The following SNRPD1 variants were observed in gnomAD, a reference collection of about 807,000 sequenced individuals.
SNRPD1 encodes small nuclear ribonucleoprotein Sm D1.
A neutral mutation model predicts 14.4 loss-of-function variants in SNRPD1; 1 was observed. That is an observed-to-expected ratio of 0.07 (90% confidence interval 0.02 to 0.33). SNRPD1 has a LOEUF of 0.33. SNRPD1 is among the 10% of genes least tolerant of loss of function. SNRPD1 has a pLI of 1.00. For synonymous variants in SNRPD1, 42 were observed against 50.3 expected, an observed-to-expected ratio of 0.83 and a Z score of 0.70; for missense variants, 52 against 146.4, an observed-to-expected ratio of 0.36 and a Z score of 3.33.
intron 3 of SNRPD1, among the ~76,000 whole-genome samples, chr18:21,624,204 C>T (rs922179064): frequency 4.0e-5 from 6 of 151,780 alleles, no homozygotes; most frequent in African/African-American, 1.5e-4. Flanking sequence ...CATGGTGAAG[C>T]CTCATCTCTA....
intron 3 of SNRPD1, among the ~76,000 whole-genome samples, chr18:21,626,785 CAA>C (rs57392456): frequency 1.4e-4 from 17 of 118,100 alleles, no homozygotes; most frequent in African/African-American, 2.3e-4. Flanking sequence ...GACTTGGTCT[CAA>C]AAAAAAAAAA....
At chr18:21,628,305 A>G (rs905317319) in intron 3 of SNRPD1, among the ~76,000 whole-genome samples, 3 of 152,202 alleles carry the variant, frequency 2.0e-5, no homozygotes, top group African/African-American at 7.2e-5. Flanking sequence ...ACTTGAGCCC[A>G]GGAGTTCAAG....
intron 1 of SNRPD1, among the ~76,000 whole-genome samples, chr18:21,616,824 T>C (rs1444196488): frequency 1.3e-5 from 2 of 151,918 alleles, no homozygotes; most frequent in Non-Finnish European, 2.9e-5. Flanking sequence ...TAGCTGGGAC[T>C]ACAGGCATGT....
chr18:21,620,929 C>T (rs777444939), intron 1 of SNRPD1, among the ~76,000 whole-genome samples: 3 of 151,784 alleles, frequency 2.0e-5, no homozygotes, highest in African/African-American at 7.3e-5. Context: ...TTTGGGAGGC[C>T]GAGGCGGGTG....
chr18:21,629,124 G>T lies in SNRPD1; in HGVS notation c.346G>T (p.Gly116Cys). The T allele has an allele frequency of 6.2e-7, 1 of 1,611,440 alleles. No homozygotes were observed. The highest frequency in any genetic ancestry group is 8.5e-7 in the Non-Finnish European group (1 of 1,177,762). Reference protein sequence around the residue: ...RGRGRGRGRGGPRR With the variant: ...RGRGRGRGRGCPRR Reference sequence around the variant, plus strand: ...ACGTGGCCGTGGCAGAGGAAGAGGGGGTCCTAGGCGATAATGTCTCTCAAG... The same window carrying T: ...ACGTGGCCGTGGCAGAGGAAGAGGGTGTCCTAGGCGATAATGTCTCTCAAG... The change falls in exon 4 of 4, where the codon GGT becomes TGT. Residue 116 changes from glycine (G) to cysteine (C), a missense_variant. Transcript: ENST00000300413.
chr18:21,612,386 G>C lies in SNRPD1; in HGVS notation c.-44G>C. ...GCAGTCGGTCAGTGTTCGGTTGAAG[G>C]ATTCTGTGTGCTGTCGGACCCAGAG... is the stretch of plus-strand genomic sequence containing the variant. On this transcript the variant is annotated 5_prime_UTR_variant, in exon 1 of 4. Transcript: ENST00000300413. 6.6e-7 allele frequency: 1 copy of C among 1,515,730 alleles called. No homozygotes were observed. The highest frequency in any genetic ancestry group is 8.9e-7 in the Non-Finnish European group (1 of 1,118,754). The allele number at this position is 1,515,730 out of a possible 1,614,324, so 93.9% of individuals were successfully genotyped here. A position where few individuals can be genotyped will look rare whatever the true frequency, so the allele number is the denominator to read the frequency against.
chr18:21,620,264 T>A (rs1257869118), intron 1 of SNRPD1, among the ~76,000 whole-genome samples: 2 of 152,110 alleles, frequency 1.3e-5, no homozygotes, highest in African/African-American at 2.4e-5. Flanking sequence ...AACTAATTTT[T>A]TTTTTATTTT....
intron 3 of SNRPD1, among the ~76,000 whole-genome samples, chr18:21,624,163 G>A (rs1405820826): frequency 1.3e-5 from 2 of 150,204 alleles, no homozygotes; most frequent in African/African-American, 2.5e-5. Context: ...GGTGGATCAC[G>A]AGGTCAGGAG....
Position 21,623,911 on chromosome 18 carries a change from T to G in SNRPD1, c.255T>G (p.Pro85=), listed in dbSNP as rs373585794. ...ATACACTACTTGTGGATGTTGAACC[T>G]AAGGTGAAATCTAAGAAAAGGGAAG... ...PLDTLLVDVE[P]KVKSKKREAV... is the part of the protein sequence containing the mutation. Residue 85 remains proline (P), a synonymous_variant, in exon 3 of 4, where the codon CCT becomes CCG. Transcript: ENST00000300413. 3 of 1,598,886 alleles carry G rather than the reference T, an allele frequency of 1.9e-6. No individual in the cohort carries two copies. The highest frequency in any genetic ancestry group is 2.6e-6 in the Non-Finnish European group (3 of 1,175,500).
At chr18:21,625,229 G>C (rs1036510879) in intron 3 of SNRPD1, among the ~76,000 whole-genome samples, 5 of 149,920 alleles carry the variant, frequency 3.3e-5, no homozygotes, top group African/African-American at 7.4e-5. Flanking sequence ...CCACGCTTCT[G>C]AATCTTAGAT....
chr18:21,626,835 A>G (rs182425466), intron 3 of SNRPD1, among the ~76,000 whole-genome samples: 1 of 151,820 alleles, frequency 6.6e-6, no homozygotes, highest in African/African-American at 2.4e-5. Context: ...GTAAGAGACA[A>G]GATCTCACTG....
chr18:21,613,581 G>A (rs2038935686), intron 1 of SNRPD1, among the ~76,000 whole-genome samples: 1 of 152,064 alleles, frequency 6.6e-6, no homozygotes, highest in African/African-American at 2.4e-5. Flanking sequence ...AGGAGGCCAG[G>A]CGCAGTGGCT....
rs2039073176 is a variant in SNRPD1 at position 21,630,447 on chromosome 18, T to A, written c.*1309T>A. 1 of 152,016 alleles carries A rather than the reference T, an allele frequency of 6.6e-6. No homozygotes were observed. Among genetic ancestry groups the A allele is most frequent in the Non-Finnish European group, 1.5e-5 (1 of 68,004 alleles). 9.4% of individuals were successfully genotyped at this position (152,016 alleles called of 1,614,324 possible). On this transcript the variant is annotated 3_prime_UTR_variant, in exon 4 of 4. Coordinates refer to ENST00000300413, the MANE Select transcript of SNRPD1 (RefSeq NM_006938.4). Reference sequence around the variant, plus strand: ...TTTTTTTTTTTTTAAGTAAAGAAATTTTCTGCAAAGATCGTTACCTTAAAA... The same window carrying A: ...TTTTTTTTTTTTTAAGTAAAGAAATATTCTGCAAAGATCGTTACCTTAAAA...
intron 1 of SNRPD1, among the ~76,000 whole-genome samples, chr18:21,622,442 T>C (rs533697768): frequency 3.3e-5 from 5 of 152,282 alleles, no homozygotes; most frequent in Non-Finnish European, 5.9e-5. Context: ...GCCTGGCCTA[T>C]TTCTTTTTCA....
At chr18:21,622,832 T>G (rs1377786372) in intron 2 of SNRPD1, 31 bp downstream of exon 2, 1 of 1,129,818 alleles carries the variant, frequency 8.9e-7, no homozygotes, top group Non-Finnish European at 1.3e-6. Context: ...TTATAACATT[T>G]TTTTTCTTCT....
Position 21,622,720 on chromosome 18 carries a change from T to A in SNRPD1, c.15-5T>A. 7.2e-7 allele frequency: 1 copy of A among 1,395,572 alleles called. No individual in the cohort carries two copies. The highest frequency in any genetic ancestry group is 1.4e-5 in the African/African-American group (1 of 70,786). The allele number at this position is 1,395,572 out of a possible 1,614,324, so 86.4% of individuals were successfully genotyped here. A position where few individuals can be genotyped will look rare whatever the true frequency, so the allele number is the denominator to read the frequency against. On this transcript the variant is annotated splice_region_variant and splice_polypyrimidine_tract_variant and intron_variant, in intron 1 of 3. Coordinates refer to ENST00000300413, the MANE Select transcript of SNRPD1 (RefSeq NM_006938.4). Reference sequence around the variant, plus strand: ...AGGTAAAAATGGTTTTATTCCTATTTATAGATTTTTGATGAAATTGAGTCA... The same window carrying A: ...AGGTAAAAATGGTTTTATTCCTATTAATAGATTTTTGATGAAATTGAGTCA...
chr18:21,631,033 T>A lies in SNRPD1; in HGVS notation c.*1895T>A, dbSNP rs991131483. ...ATTGAAGTTATATAGTAATTAGCGT[T>A]TTTTCCCCCACAAATTATTGGCAGT... On this transcript the variant is annotated 3_prime_UTR_variant, in exon 4 of 4. Transcript: ENST00000300413. The A allele has an allele frequency of 2.3e-4, 35 of 151,988 alleles. 1 individual carries two copies. Among genetic ancestry groups the A allele is most frequent in the Admixed American group, 2.3e-3 (35 of 15,218 alleles). 9.4% of individuals were successfully genotyped at this position (151,988 alleles called of 1,614,324 possible). A position where few individuals can be genotyped will look rare whatever the true frequency, so the allele number is the denominator to read the frequency against.
chr18:21,629,177 AT>A lies in SNRPD1; in HGVS notation c.*45del. On this transcript the variant is annotated 3_prime_UTR_variant, in exon 4 of 4. Coordinates refer to ENST00000300413, the MANE Select transcript of SNRPD1 (RefSeq NM_006938.4). ...TTCAAAGTCATATGAGATTTGGGAT[AT>A]TTTTTGTACAGGTTGTGTTTGTTTA... 6.8e-7 allele frequency: 1 copy of A among 1,461,206 alleles called. No homozygotes were observed. The highest frequency in any genetic ancestry group is 2.1e-4 in the Middle Eastern group (1 of 4,864). The allele number at this position is 1,461,206 out of a possible 1,614,324, so 90.5% of individuals were successfully genotyped here. A position where few individuals can be genotyped will look rare whatever the true frequency, so the allele number is the denominator to read the frequency against.
Position 21,612,345 on chromosome 18 carries a change from T to C in SNRPD1, c.-85T>C. 1.8e-6 allele frequency: 2 copies of C among 1,083,398 alleles called. No individual in the cohort carries two copies. The highest frequency in any genetic ancestry group is 5.1e-5 in the Admixed American group (2 of 38,850). The allele number at this position is 1,083,398 out of a possible 1,614,324, so 67.1% of individuals were successfully genotyped here. On this transcript the variant is annotated 5_prime_UTR_variant, in exon 1 of 4. Transcript: ENST00000300413. The stretch of plus-strand genomic sequence containing the variant: ...GTCCGGAGCCCCTGGAGTAGGCGCT[T>C]CCGGCCATTCATACTGCAGTCGGTC...
Sources: gnomAD v4.1 joint callset for allele counts (sites outside exome capture counted in the v4.1 genomes callset) on GRCh38, gnomAD v4.1.1 for gene constraint, MANE v1.5 for transcripts, NCBI Gene and HGNC (gene_info 2026-07-23, HGNC 2026-07-21) for gene names.